Variants in NCOA6 observed in about 807,000 individuals in gnomAD.
NCOA6 encodes NRC RAP250.
NCOA6 carries 49 observed loss-of-function variants against 171.4 expected under a neutral mutation model. The ratio of observed to expected loss-of-function variants is 0.29; its 90% CI spans 0.23 to 0.36. NCOA6 has a LOEUF of 0.36. NCOA6 is among the 10% of genes least tolerant of loss of function. The probability of loss-of-function intolerance (pLI) is 1.00; values close to 1 mark genes in which losing one functional copy is unlikely to be tolerated. For missense variants in NCOA6, 2,248 were observed against 2,554.5 expected (o/e 0.88, Z 2.59); for synonymous variants, 910 against 927.5 (o/e 0.98, Z 0.34).
At chr20:34,764,857 T>G (rs2145916693) in intron 5 of NCOA6, among the ~76,000 whole-genome samples, 1 of 152,014 alleles carries the variant, frequency 6.6e-6, no homozygotes, top group East Asian at 1.9e-4. Flanking sequence ...CTCACACCTG[T>G]AATCTCAGCA....
chr20:34,812,939 A>T (rs117653951), intron 1 of NCOA6, among the ~76,000 whole-genome samples: 8,060 of 152,098 alleles, frequency 0.053, 250 homozygotes, highest in East Asian at 0.079. Context: ...TAGACCACCT[A>T]TAATGAGGTC....
At chr20:34,719,966 A>T (rs542932421) in intron 14 of NCOA6, among the ~76,000 whole-genome samples, 1 of 152,248 alleles carries the variant, frequency 6.6e-6, no homozygotes, top group African/African-American at 2.4e-5. Flanking sequence ...CAGTTTCTTC[A>T]CTGGCTGTGG....
chr20:34,775,887 T>A (rs905353748), intron 4 of NCOA6, among the ~76,000 whole-genome samples: 4 of 152,016 alleles, frequency 2.6e-5, no homozygotes, highest in African/African-American at 7.2e-5. Flanking sequence ...GATGGGAGGA[T>A]CATCTGAGGC....
At chr20:34,786,920 G>T in intron 2 of NCOA6, among the ~76,000 whole-genome samples, 1 of 152,078 alleles carries the variant, frequency 6.6e-6, no homozygotes, top group East Asian at 1.9e-4. Context: ...CATGGGCAAA[G>T]ATTTCATGAT....
intron 4 of NCOA6, among the ~76,000 whole-genome samples, chr20:34,775,045 G>A (rs2077265154): frequency 6.6e-6 from 1 of 152,056 alleles, no homozygotes; most frequent in South Asian, 2.1e-4. Flanking sequence ...ATGAACTAGG[G>A]GAAGGGGGTT....
At chr20:34,772,229 G>T (rs571107979) in intron 4 of NCOA6, among the ~76,000 whole-genome samples, 1 of 151,884 alleles carries the variant, frequency 6.6e-6, no homozygotes, top group Admixed American at 6.6e-5. Context: ...TGGGAGGATT[G>T]CTTAAGCCCA....
At chr20:34,813,489 T>C (rs1427993564) in intron 1 of NCOA6, among the ~76,000 whole-genome samples, 2 of 151,966 alleles carry the variant, frequency 1.3e-5, no homozygotes, top group Non-Finnish European at 2.9e-5. Flanking sequence ...AAAGGTCATT[T>C]TGGAGACAAC....
chr20:34,721,814 G>C (rs1989377027), intron 14 of NCOA6, among the ~76,000 whole-genome samples: 1 of 152,110 alleles, frequency 6.6e-6, no homozygotes, highest in South Asian at 2.1e-4. Flanking sequence ...CCAGCACTTT[G>C]GGAGGCGAAG....
At chr20:34,715,560 G>A (rs947510638) in intron 14 of NCOA6, among the ~76,000 whole-genome samples, 195 bp from the exon 15 acceptor site, 11 of 152,140 alleles carry the variant, frequency 7.2e-5, no homozygotes, top group African/African-American at 2.7e-4. Context: ...GTCCTGCATT[G>A]GGCAGAATTG....
chr20:34,786,848 T>C (rs1377994517), intron 2 of NCOA6, among the ~76,000 whole-genome samples: 1 of 152,062 alleles, frequency 6.6e-6, no homozygotes, highest in Non-Finnish European at 1.5e-5. Context: ...AAGACTTAAA[T>C]GTAAAACCCA....
intron 8 of NCOA6, 25 bp downstream of exon 8, chr20:34,754,697 G>A (rs750863353): frequency 6.2e-7 from 1 of 1,613,898 alleles, no homozygotes; most frequent in Non-Finnish European, 8.5e-7. Context: ...ATAAATGCTG[G>A]CTAAACAAAT....
chr20:34,816,001 ATGTCTTAGACC>A (rs2078822623), intron 1 of NCOA6, among the ~76,000 whole-genome samples: 1 of 152,176 alleles, frequency 6.6e-6, no homozygotes, highest in African/African-American at 2.4e-5. Context: ...CAACATTCAA[ATGTCTTAGACC>A]TGGCATCCAG....
At chr20:34,715,698 T>C (rs563872434) in intron 14 of NCOA6, among the ~76,000 whole-genome samples, 4 of 152,292 alleles carry the variant, frequency 2.6e-5, no homozygotes, top group Admixed American at 2.6e-4. Context: ...CGAAGTGTAA[T>C]AGACAGACTG....
chr20:34,747,056 TCTC>T (rs1463712008), intron 9 of NCOA6, 128 bp from the exon 10 acceptor site: 2 of 922,868 alleles, frequency 2.2e-6, no homozygotes, highest in African/African-American at 3.4e-5. Flanking sequence ...TATTCATCTC[TCTC>T]TAGTCTAGAT....
intron 1 of NCOA6, among the ~76,000 whole-genome samples, chr20:34,802,694 T>A (rs923399671): frequency 2.0e-5 from 3 of 152,248 alleles, no homozygotes; most frequent in African/African-American, 7.2e-5. Flanking sequence ...GTTCATGAAC[T>A]GTTCGAAACA....
chr20:34,769,371 T>A (rs964430765), intron 4 of NCOA6, among the ~76,000 whole-genome samples: 1 of 151,972 alleles, frequency 6.6e-6, no homozygotes, highest in African/African-American at 2.4e-5. Context: ...TATAGGATTT[T>A]TTTTTTTTTT....
chr20:34,810,578 C>T (rs374117431), intron 1 of NCOA6, among the ~76,000 whole-genome samples: 5 of 149,838 alleles, frequency 3.3e-5, no homozygotes, highest in African/African-American at 9.9e-5. Context: ...GTTTTTGAGA[C>T]GGAGTCTCGC....
intron 4 of NCOA6, 52 bp from the exon 5 acceptor site, chr20:34,768,638 T>A (rs2077051418): frequency 6.2e-7 from 1 of 1,602,856 alleles, no homozygotes; most frequent in South Asian, 1.1e-5. Context: ...AAATGCAAAT[T>A]TTGTTTATAG....
At chr20:34,790,916 G>A (rs1011013317) in intron 2 of NCOA6, among the ~76,000 whole-genome samples, 2 of 152,178 alleles carry the variant, frequency 1.3e-5, no homozygotes, top group African/African-American at 2.4e-5. Flanking sequence ...CTCCCAAAGT[G>A]TTGGGATATC....
Sources: gnomAD v4.1 joint callset for allele counts (sites outside exome capture counted in the v4.1 genomes callset) on GRCh38, gnomAD v4.1.1 for gene constraint, MANE v1.5 for transcripts, NCBI Gene and HGNC (gene_info 2026-07-23, HGNC 2026-07-21) for gene names.